The following WDR27 variants were observed in gnomAD, a reference collection of about 807,000 sequenced individuals.
WDR27 encodes WD repeat domain 27.
A neutral mutation model predicts 114.4 loss-of-function variants in WDR27; 100 were observed. The observed-to-expected ratio is 0.87, with a 90% CI of 0.74 to 1.03. WDR27 has a LOEUF of 1.03. WDR27 is among the 50% of genes least tolerant of loss of function. The probability of loss-of-function intolerance (pLI) is 0.00; values close to 1 mark genes in which losing one functional copy is unlikely to be tolerated. For missense variants in WDR27, 1,129 were observed against 1,092.9 expected (o/e 1.03, Z -0.47); for synonymous variants, 449 against 423.1 (o/e 1.06, Z -0.75).
At chr6:169,550,230 A>G (rs547869612) in intron 25 of WDR27, among the ~76,000 whole-genome samples, 1 of 152,206 alleles carries the variant, frequency 6.6e-6, no homozygotes, top group South Asian at 2.1e-4. Flanking sequence ...ACATATCGTT[A>G]TAAGAGTGTT....
intron 4 of WDR27, chr6:169,670,311 C>G: frequency 6.3e-6 from 2 of 315,960 alleles, no homozygotes; most frequent in Non-Finnish European, 1.1e-5. Flanking sequence ...TTTTGCAGAA[C>G]ATGTTTCTCT....
rs1188693158 is a variant in WDR27, at chr6:169,643,705, ACAG to A, written c.1736_1738del (p.Ala579del). On this transcript the variant is annotated inframe_deletion, in exon 17 of 26. Transcript: ENST00000448612. Reference sequence around the variant, plus strand: ...ATTAAGACATGTTTTACCTGAAAACACAGCAGGTGTCCCAGTCAGGCTGGCATC... The same window carrying A: ...ATTAAGACATGTTTTACCTGAAAACACAGGTGTCCCAGTCAGGCTGGCATC... The A allele has an allele frequency of 1.9e-6, 3 of 1,613,438 alleles. No homozygotes were observed. The African/African-American group carries it at 4.0e-5, about 22-fold the overall frequency.
intron 24 of WDR27, among the ~76,000 whole-genome samples, chr6:169,577,417 C>T (rs1188452504): frequency 3.3e-5 from 5 of 151,282 alleles, no homozygotes; most frequent in Non-Finnish European, 7.4e-5. Flanking sequence ...GGGGACTTGG[C>T]GGGTATGGCT....
chr6:169,689,219 A>G (rs969976567), intron 1 of WDR27: 1 of 409,092 alleles, frequency 2.4e-6, no homozygotes, highest in Non-Finnish European at 4.3e-6. Flanking sequence ...CATTCTTCTC[A>G]CGGGCTTTCC....
chr6:169,638,719 G>A (rs1818356629), intron 17 of WDR27, 59 bp from the exon 18 acceptor site: 1 of 1,541,824 alleles, frequency 6.5e-7, no homozygotes, highest in Non-Finnish European at 8.8e-7. Context: ...TTTTGACTGA[G>A]TGCTACTTAT....
the WDR27 span, among the ~76,000 whole-genome samples, chr6:169,431,192 A>C: frequency 6.6e-6 from 1 of 152,224 alleles, no homozygotes; most frequent in Non-Finnish European, 1.5e-5. Context: ...TATCTTTCTA[A>C]TAAAACCCTC....
the WDR27 span, among the ~76,000 whole-genome samples, chr6:169,436,522 C>T: frequency 6.6e-6 from 1 of 152,140 alleles, no homozygotes; most frequent in Non-Finnish European, 1.5e-5. Flanking sequence ...ACCTGATATT[C>T]ACATGCTGTT....
At chr6:169,689,182 C>G (rs1345263193) in intron 1 of WDR27, 170 bp from the exon 2 acceptor site, 1 of 480,308 alleles carries the variant, frequency 2.1e-6, no homozygotes, top group Non-Finnish European at 3.6e-6. Context: ...GCCGAAAACT[C>G]TGGAGCTTCC....
Position 169,672,236 on chromosome 6 carries a change from GT to G in WDR27, c.331+18del. On this transcript the variant is annotated intron_variant, in intron 3 of 25. Coordinates refer to ENST00000448612, the MANE Select transcript of WDR27 (RefSeq NM_182552.5). Reference sequence around the variant, plus strand: ...TCCTTTTGCAGGTTTTTAAAAACATGTTTTAGATTTTCATTTACCTTGAAGT... The same window carrying G: ...TCCTTTTGCAGGTTTTTAAAAACATGTTTAGATTTTCATTTACCTTGAAGT... The G allele has an allele frequency of 6.2e-7, 1 of 1,610,298 alleles. No homozygotes were observed. The highest frequency in any genetic ancestry group is 1.1e-5 in the South Asian group (1 of 90,352).
chr6:169,641,184 G>A (rs1206551624), intron 17 of WDR27, among the ~76,000 whole-genome samples: 1 of 152,186 alleles, frequency 6.6e-6, no homozygotes, highest in Non-Finnish European at 1.5e-5. Context: ...CTCCCAGGAT[G>A]AAAACAATGG....
intron 1 of WDR27, 127 bp from the exon 2 acceptor site, chr6:169,689,139 C>T (rs894321288): frequency 1.8e-6 from 1 of 547,058 alleles, no homozygotes; most frequent in Non-Finnish European, 3.0e-6. Flanking sequence ...ATTTATTCAC[C>T]TCTCCTCATC....
At chr6:169,633,153 T>A in intron 20 of WDR27, 85 bp from the exon 21 acceptor site, 12 of 1,368,106 alleles carry the variant, frequency 8.8e-6, no homozygotes, top group Non-Finnish European at 1.2e-5. Context: ...AATAAAAACT[T>A]TGGAATATTA....
At chr6:169,559,054 A>C (rs1210676113) in intron 25 of WDR27, 1 of 152,252 alleles carries the variant, frequency 6.6e-6, no homozygotes, top group Non-Finnish European at 1.5e-5. Flanking sequence ...CCAGTTCCGT[A>C]GTTCAGTTTC....
chr6:169,626,936 G>C (rs759349161), intron 21 of WDR27, among the ~76,000 whole-genome samples: 1 of 152,232 alleles, frequency 6.6e-6, no homozygotes, highest in Non-Finnish European at 1.5e-5. Flanking sequence ...TGAAAACCTG[G>C]ACTCTAAAGA....
rs372748005 is a variant in WDR27 at position 169,643,793 on chromosome 6, A to G, written c.1658-7T>C. On this transcript the variant is annotated splice_polypyrimidine_tract_variant and splice_region_variant and intron_variant, in intron 16 of 25. Transcript: ENST00000448612. ...GCCAGCCACTGCCCATCTCCTGTTA[A>G]AAGAATTTTAAAAAAAGACTTCTTA... is the stretch of plus-strand genomic sequence containing the variant. 2.7e-5 allele frequency: 44 copies of G among 1,608,422 alleles called. No homozygotes were observed. In the African/African-American group the frequency reaches 5.6e-4, roughly 21 times the overall value.
At chr6:169,474,974 A>G (rs953172612) in intron 25 of WDR27, among the ~76,000 whole-genome samples, 3 of 152,126 alleles carry the variant, frequency 2.0e-5, no homozygotes, top group African/African-American at 7.2e-5. Flanking sequence ...TGTAGAGAAG[A>G]GCCCCCAGTG....
rs138894557 is a variant in WDR27 at position 169,684,418 on chromosome 6, T to G, written c.189+4399A>C. Among the ~76,000 whole-genome samples, 294 of 152,194 alleles carry G rather than the reference T, an allele frequency of 1.9e-3. 2 individuals are homozygous for G. The highest frequency in any genetic ancestry group is 6.7e-3 in the African/African-American group (280 of 41,530). On this transcript the variant is annotated intron_variant, in intron 2 of 25. Transcript: ENST00000448612. The surrounding 1 kb of genome is among the most constrained non-coding windows in gnomAD (Gnocchi z 4.3). The stretch of plus-strand genomic sequence containing the variant: ...TCCAATAAAGGCCTGAGAAACAGTC[T>G]CACAGGCTGACTATGGCAAGCATGC...
the WDR27 span, among the ~76,000 whole-genome samples, chr6:169,451,913 A>C: frequency 1.3e-5 from 2 of 152,124 alleles, no homozygotes; most frequent in Non-Finnish European, 2.9e-5. Context: ...ATCTTAACAC[A>C]CGTCTTTTGG....
At chr6:169,528,379 T>C (rs1435668526) in intron 25 of WDR27, among the ~76,000 whole-genome samples, 1 of 152,162 alleles carries the variant, frequency 6.6e-6, no homozygotes, top group African/African-American at 2.4e-5. Context: ...TGAAACCCTT[T>C]CTGATCCAGA....
Sources: gnomAD v4.1 joint callset for allele counts (sites outside exome capture counted in the v4.1 genomes callset) on GRCh38, gnomAD v4.1.1 for gene constraint, Gnocchi (gnomAD v3.1) non-coding constraint, MANE v1.5 for transcripts, NCBI Gene and HGNC (gene_info 2026-07-23, HGNC 2026-07-21) for gene names.